MBNL3: variants seen among roughly 807,000 people sequenced by gnomAD.
MBNL3 encodes the protein muscleblind-like protein 3.
MBNL3 carries 6 observed loss-of-function variants against 24.5 expected under a neutral mutation model. The observed-to-expected ratio is 0.25, with a 90% CI of 0.13 to 0.48. The LOEUF (loss-of-function observed/expected upper bound fraction) is 0.48. MBNL3 is among the 20% of genes least tolerant of loss of function. The pLI is 0.99. For missense variants in MBNL3, 230 were observed against 293.5 expected, an observed-to-expected ratio of 0.78 and a Z score of 1.58; for synonymous variants, 100 against 101.7, an observed-to-expected ratio of 0.98 and a Z score of 0.10.
chrX:132,396,467 TATATATATTC>T lies in MBNL3; in HGVS notation c.343-4143_343-4134del, dbSNP rs1403594292. ...ATATATATTCCTATATATATATTCC[TATATATATTC>T]ATATATATTCCTATATATATTCCTA... On this transcript the variant is annotated intron_variant, in intron 3 of 8. Transcript: ENST00000370853. Among the ~76,000 whole-genome samples, 14 of 78,382 alleles carry T rather than the reference TATATATATTC, an allele frequency of 1.8e-4. 1 individual carries two copies. Among genetic ancestry groups the T allele is most frequent in the African/African-American group, 5.5e-4 (11 of 19,889 alleles). The allele number at this position is 78,382 out of a possible 115,157, so 68.1% of individuals were successfully genotyped here.
chrX:132,427,014 T>C (rs1203000117), intron 2 of MBNL3, among the ~76,000 whole-genome samples: 1 of 111,656 alleles, frequency 9.0e-6, no homozygotes, highest in African/African-American at 3.2e-5. Context: ...GTCTTACAAA[T>C]TCAGTGCTGC....
At chrX:132,382,408 G>T (rs1281737285) in intron 7 of MBNL3, 136 bp from the exon 8 acceptor site, 9 of 426,408 alleles carry the variant, frequency 2.1e-5, no homozygotes, top group Non-Finnish European at 1.2e-5. Flanking sequence ...ATACATCAGG[G>T]TGTTCATGCA....
chrX:132,455,168 A>T (rs58281952), intron 1 of MBNL3, among the ~76,000 whole-genome samples: 14,294 of 111,138 alleles, frequency 0.13, 950 homozygotes, highest in African/African-American at 0.26. Context: ...TCCAAGATCA[A>T]TCTCAACAAA....
chrX:132,391,189 G>T, intron 4 of MBNL3, 106 bp from the exon 5 acceptor site: 1 of 536,968 alleles, frequency 1.9e-6, no homozygotes, highest in Non-Finnish European at 3.1e-6. Flanking sequence ...TATATACATT[G>T]AATATATTAT....
At chrX:132,400,805 GCA>G (rs1021815358) in intron 3 of MBNL3, among the ~76,000 whole-genome samples, 1 of 111,898 alleles carries the variant, frequency 8.9e-6, no homozygotes, top group Admixed American at 9.5e-5. Flanking sequence ...TGGCATGGTA[GCA>G]CTCCAGGCAC....
At chrX:132,478,512 G>T (rs765991008) in intron 1 of MBNL3, among the ~76,000 whole-genome samples, 2 of 111,879 alleles carry the variant, frequency 1.8e-5, no homozygotes, top group Admixed American at 9.4e-5. Context: ...TTCTGACACA[G>T]AAATAACATC....
At chrX:132,466,480 G>A (rs926538757) in intron 1 of MBNL3, among the ~76,000 whole-genome samples, 23 of 112,440 alleles carry the variant, frequency 2.0e-4, no homozygotes, top group Non-Finnish European at 1.9e-5. Context: ...CAAATAAAGT[G>A]TAGCAAACAA....
In MBNL3 at chrX:132,379,636, A is replaced by G. The variant is rs1350585385; in HGVS notation, c.*30T>C. ...AAAGGCCATATGGAGGTTTCCATGGAAAGATTCTGATACTCCATAACTCTG... is the reference window on the plus strand; with the variant it reads ...AAAGGCCATATGGAGGTTTCCATGGGAAGATTCTGATACTCCATAACTCTG... On this transcript the variant is annotated 3_prime_UTR_variant, in exon 9 of 9. Transcript: ENST00000370853. 6 of 1,191,097 alleles carry G rather than the reference A, an allele frequency of 5.0e-6. No homozygotes were observed. The Admixed American group carries it at 1.1e-4, about 22-fold the overall frequency.
chrX:132,439,329 T>G, intron 2 of MBNL3, 106 bp downstream of exon 2: 1 of 918,977 alleles, frequency 1.1e-6, no homozygotes, highest in South Asian at 3.6e-5. Flanking sequence ...AAACAAAATT[T>G]ATCACTTTCA....
At chrX:132,382,336 T>A (rs772413260) in intron 7 of MBNL3, 64 bp from the exon 8 acceptor site, 8 of 919,531 alleles carry the variant, frequency 8.7e-6, no homozygotes, top group Non-Finnish European at 1.2e-5. Context: ...ACCATAACAT[T>A]TACGATGGAA....
chrX:132,422,398 C>T (rs999561806), intron 2 of MBNL3, among the ~76,000 whole-genome samples: 2 of 111,897 alleles, frequency 1.8e-5, no homozygotes, highest in Non-Finnish European at 3.8e-5. Context: ...TTTCTCTATG[C>T]TCCACAAAGA....
intron 1 of MBNL3, among the ~76,000 whole-genome samples, chrX:132,472,806 G>C (rs1947247955): frequency 8.9e-6 from 1 of 111,904 alleles, no homozygotes; most frequent in South Asian, 3.7e-4. Flanking sequence ...CAGAGGAAAA[G>C]GATTCTGAGA....
chrX:132,458,018 C>A (rs916708796), intron 1 of MBNL3, among the ~76,000 whole-genome samples: 9 of 111,493 alleles, frequency 8.1e-5, no homozygotes, highest in Non-Finnish European at 1.7e-4. Context: ...TACCTTCAGG[C>A]AGGTAAATGT....
intron 5 of MBNL3, 65 bp from the exon 6 acceptor site, chrX:132,386,876 C>T: frequency 8.9e-7 from 1 of 1,126,142 alleles, no homozygotes; most frequent in South Asian, 1.9e-5. Flanking sequence ...CAAGCAAGCA[C>T]CAGTCATATA....
chrX:132,487,692 C>G (rs1329981621), intron 1 of MBNL3, among the ~76,000 whole-genome samples: 1 of 111,887 alleles, frequency 8.9e-6, no homozygotes, highest in Admixed American at 9.4e-5. Context: ...AAGCATCCCC[C>G]AAAAGTATCG....
At chrX:132,408,795 CTA>C (rs1281260110) in intron 2 of MBNL3, among the ~76,000 whole-genome samples, 1 of 111,906 alleles carries the variant, frequency 8.9e-6, no homozygotes, top group Admixed American at 9.4e-5. Flanking sequence ...GGCTATAAAA[CTA>C]AAGTATGGAA....
intron 2 of MBNL3, among the ~76,000 whole-genome samples, chrX:132,426,741 G>A (rs1051659353): frequency 3.6e-5 from 4 of 111,733 alleles, no homozygotes; most frequent in Admixed American, 9.5e-5. Flanking sequence ...GTAGCTGTTA[G>A]TTTGTATCTG....
chrX:132,483,984 T>A (rs1306576747), intron 1 of MBNL3, among the ~76,000 whole-genome samples: 1 of 111,345 alleles, frequency 9.0e-6, no homozygotes, highest in African/African-American at 3.3e-5. Context: ...TATTTCTGAT[T>A]TTTTTTTTAA....
Position 132,478,268 on chromosome X carries a change from A to G in MBNL3, c.-704+10583T>C, listed in dbSNP as rs1325331195. On this transcript the variant is annotated intron_variant, in intron 1 of 8. Transcript: ENST00000370853. ...AGATAGTTTTATTTTCAGTGTCCCA[A>G]TGTTCTAGCAATAGCACTTAGTAAA... Among the ~76,000 whole-genome samples, 3 of 111,489 alleles carry G rather than the reference A, an allele frequency of 2.7e-5. No homozygotes were observed. The Admixed American group carries it at 2.9e-4, about 11-fold the overall frequency.
Sources: gnomAD v4.1 joint callset for allele counts (sites outside exome capture counted in the v4.1 genomes callset) on GRCh38, gnomAD v4.1.1 for gene constraint, MANE v1.5 for transcripts, NCBI Gene and HGNC (gene_info 2026-07-23, HGNC 2026-07-21) for gene names.